The following PIGN variants were observed in gnomAD, a reference collection of about 807,000 sequenced individuals.
The protein encoded by PIGN is phosphatidylinositol glycan anchor biosynthesis class N.
PIGN carries 117 observed loss-of-function variants against 125.4 expected under a neutral mutation model. The observed-to-expected ratio is 0.93, with a 90% CI of 0.80 to 1.09. PIGN has a LOEUF of 1.09. PIGN is among the 50% of genes least tolerant of loss of function. The pLI is 0.00. For synonymous variants in PIGN, 392 were observed against 377.8 expected (o/e 1.04, Z -0.44); for missense variants, 1,075 against 1,094.9 (o/e 0.98, Z 0.26).
intron 1 of PIGN, among the ~76,000 whole-genome samples, chr18:62,180,741 T>A (rs958060098): frequency 6.6e-6 from 1 of 152,194 alleles, no homozygotes; most frequent in Non-Finnish European, 1.5e-5. Flanking sequence ...TGTATGTTTA[T>A]ATAGTGTGTG....
At chr18:62,144,672 T>A (rs545201018) in intron 10 of PIGN, among the ~76,000 whole-genome samples, 5 of 152,220 alleles carry the variant, frequency 3.3e-5, no homozygotes, top group African/African-American at 1.2e-4. Context: ...TCCTGCTCCA[T>A]AAGGGAAACT....
intron 1 of PIGN, among the ~76,000 whole-genome samples, chr18:62,167,730 G>A (rs1259636240): frequency 6.7e-6 from 1 of 149,144 alleles, no homozygotes; most frequent in Non-Finnish European, 1.5e-5. Context: ...ACACACAATA[G>A]AAGTGTAGTG....
intron 22 of PIGN, among the ~76,000 whole-genome samples, chr18:62,100,275 C>T (rs1452098701): frequency 1.3e-5 from 2 of 152,176 alleles, no homozygotes; most frequent in African/African-American, 4.8e-5. Flanking sequence ...GATATCATCT[C>T]ACCCCAGTTA....
At chr18:62,089,300 T>TA (rs2033854294) in intron 24 of PIGN, among the ~76,000 whole-genome samples, 2 of 152,062 alleles carry the variant, frequency 1.3e-5, no homozygotes. Context: ...TTTCTTTCTA[T>TA]AAAAAAGCAA....
chr18:62,082,858 A>C, intron 27 of PIGN, 112 bp from the exon 28 acceptor site: 1 of 645,192 alleles, frequency 1.5e-6, no homozygotes, highest in Non-Finnish European at 2.8e-6. Context: ...AGTAACTTTT[A>C]TATATACTAG....
chr18:62,028,957 C>A (rs1599376113), intron 23 of PIGN, among the ~76,000 whole-genome samples: 1 of 152,188 alleles, frequency 6.6e-6, no homozygotes, highest in Non-Finnish European at 1.5e-5. Context: ...AGATGTTGTG[C>A]AGCTATTATG....
At chr18:62,114,066 C>T (rs1018157910) in intron 15 of PIGN, among the ~76,000 whole-genome samples, 1 of 151,986 alleles carries the variant, frequency 6.6e-6, no homozygotes, top group Non-Finnish European at 1.5e-5. Context: ...CTAATGCTAA[C>T]CTAAAAAAAT....
intron 22 of PIGN, among the ~76,000 whole-genome samples, chr18:62,099,042 CCTA>C (rs1302442139): frequency 6.6e-6 from 1 of 152,010 alleles, no homozygotes; most frequent in Non-Finnish European, 1.5e-5. Context: ...GTAGAGCACA[CCTA>C]CACATTATGC....
intron 23 of PIGN, among the ~76,000 whole-genome samples, chr18:62,028,584 T>G (rs939617752): frequency 7.2e-5 from 11 of 152,204 alleles, no homozygotes; most frequent in Non-Finnish European, 8.8e-5. Context: ...CCATTATGAT[T>G]CTAATTACTT....
In PIGN at chr18:62,098,573, G is replaced by T. The variant is rs78869235; in HGVS notation, c.2077+2502C>A. Among the ~76,000 whole-genome samples, 1,475 of 152,244 alleles carry T rather than the reference G, an allele frequency of 9.7e-3. 47 individuals are homozygous for T. The highest frequency in any genetic ancestry group is 0.069 in the East Asian group (359 of 5,182). On this transcript the variant is annotated intron_variant, in intron 22 of 30. Coordinates refer to ENST00000640252, the MANE Select transcript of PIGN (RefSeq NM_176787.5). ...GGAAATAAGAGTCTCTATTCTAAAT[G>T]ACATAAGTAGAACCAATTTCAAAAT...
intron 21 of PIGN, 118 bp downstream of exon 21, chr18:62,102,676 C>A: frequency 1.9e-6 from 1 of 515,116 alleles, no homozygotes; most frequent in Non-Finnish European, 3.4e-6. Flanking sequence ...TTCTTCTCAG[C>A]TGGCAGATAC....
intron 1 of PIGN, among the ~76,000 whole-genome samples, chr18:62,178,472 G>T (rs934717585): frequency 1.3e-5 from 2 of 151,576 alleles, no homozygotes; most frequent in Non-Finnish European, 2.9e-5. Context: ...ACAAACCTAC[G>T]ATGTGAAGTA....
intron 1 of PIGN, among the ~76,000 whole-genome samples, chr18:62,175,781 A>AT (rs2037504400): frequency 6.6e-6 from 1 of 152,228 alleles, no homozygotes; most frequent in Admixed American, 6.5e-5. Context: ...CATTGGTGGA[A>AT]TGAGTATATA....
chr18:62,116,393 T>A (rs538732852), intron 14 of PIGN, among the ~76,000 whole-genome samples: 1 of 152,326 alleles, frequency 6.6e-6, no homozygotes, highest in Non-Finnish European at 1.5e-5. Flanking sequence ...ACTGTCTACT[T>A]CATCAATTCT....
chr18:62,080,053 A>G lies in PIGN; in HGVS notation c.2576+2620T>C, dbSNP rs147481588. Reference sequence around the variant, plus strand: ...TGGTATATTCAAAATTAGAGTCAAAATATTTTCACTTCAATTAATAGAGGG... The same window carrying G: ...TGGTATATTCAAAATTAGAGTCAAAGTATTTTCACTTCAATTAATAGAGGG... On this transcript the variant is annotated intron_variant, in intron 28 of 30. Transcript: ENST00000640252. 1.6e-3 allele frequency among the ~76,000 whole-genome samples: 242 copies of G among 152,278 alleles called. 1 individual carries two copies. Among genetic ancestry groups the G allele is most frequent in the African/African-American group, 5.4e-3 (224 of 41,574 alleles).
At chr18:62,092,109 C>T (rs1377523434) in intron 23 of PIGN, among the ~76,000 whole-genome samples, 1 of 152,060 alleles carries the variant, frequency 6.6e-6, no homozygotes, top group African/African-American at 2.4e-5. Context: ...AGAAAGCATA[C>T]ACAAATCACT....
intron 6 of PIGN, 107 bp downstream of exon 6, chr18:62,157,022 A>T: frequency 1.9e-6 from 1 of 536,696 alleles, no homozygotes; most frequent in Non-Finnish European, 3.3e-6. Flanking sequence ...AAAATGTAAA[A>T]ATATGTGTAA....
chr18:62,082,395 T>G (rs570122736), intron 28 of PIGN, among the ~76,000 whole-genome samples: 38 of 152,262 alleles, frequency 2.5e-4, no homozygotes, highest in Middle Eastern at 3.4e-3. Context: ...TTAACATTTA[T>G]GTTTTACTGT....
intron 23 of PIGN, among the ~76,000 whole-genome samples, chr18:62,090,846 A>G (rs960128211): frequency 1.3e-4 from 20 of 152,206 alleles, no homozygotes; most frequent in Admixed American, 1.3e-3. Context: ...AATGACAGAT[A>G]TACATAAAAG....
Sources: allele counts gnomAD v4.1 joint callset (sites outside exome capture counted in the v4.1 genomes callset), GRCh38; gene constraint gnomAD v4.1.1; transcripts MANE v1.5; gene names NCBI Gene and HGNC (gene_info 2026-07-23, HGNC 2026-07-21).